The following WASHC5 variants were observed in gnomAD, a reference collection of about 807,000 sequenced individuals.
WASHC5 encodes the protein WASH complex subunit 5, also known as WASH complex subunit strumpellin.
WASHC5 carries 101 observed loss-of-function variants against 150.4 expected under a neutral mutation model. The ratio of observed to expected loss-of-function variants is 0.67; its 90% confidence interval spans 0.57 to 0.79. The LOEUF (loss-of-function observed/expected upper bound fraction) is 0.79, where lower values mean the gene tolerates loss of function less well. WASHC5 is among the 30% of genes least tolerant of loss of function. The pLI, the probability that WASHC5 is intolerant of heterozygous loss-of-function variation, is 0.00. For missense variants in WASHC5, 1,195 were observed against 1,396.3 expected, an observed-to-expected ratio of 0.86 and a Z score of 2.30; for synonymous variants, 467 against 491.2, an observed-to-expected ratio of 0.95 and a Z score of 0.65.
At chr8:125,034,101 A>G (rs1368958596) in intron 26 of WASHC5, among the ~76,000 whole-genome samples, 3 of 152,196 alleles carry the variant, frequency 2.0e-5, no homozygotes, top group African/African-American at 7.2e-5. Flanking sequence ...TTCGCAGAGA[A>G]GGATATAAGG....
chr8:125,028,576 CT>C, intron 28 of WASHC5, 43 bp downstream of exon 28: 2 of 1,406,970 alleles, frequency 1.4e-6, no homozygotes, highest in Admixed American at 1.7e-5. Flanking sequence ...TTATTAGCAT[CT>C]TTTTACAACT....
intron 19 of WASHC5, 148 bp from the exon 20 acceptor site, chr8:125,047,479 C>T (rs1816103059): frequency 2.6e-6 from 2 of 755,662 alleles, no homozygotes; most frequent in East Asian, 6.4e-5. Context: ...GCTCTGTCCC[C>T]CAGGCTGGAG....
In WASHC5 at chr8:125,028,562, A is replaced by G. The variant is rs570927846; in HGVS notation, c.3423+58T>C. The G allele has an allele frequency of 6.3e-6, 8 of 1,269,860 alleles. No homozygotes were observed. In the South Asian group the frequency reaches 7.2e-5, roughly 11 times the overall value. The allele number at this position is 1,269,860 out of a possible 1,614,324, so 78.7% of individuals were successfully genotyped here. A position where few individuals can be genotyped will look rare whatever the true frequency, so the allele number is the denominator to read the frequency against. On this transcript the variant is annotated intron_variant, in intron 28 of 28. Transcript: ENST00000318410. ...CTTCACTCCTGATGAATCCAGGGCC[A>G]CTATTATTAGCATCTTTTTACAACT...
chr8:125,073,314 T>C lies in WASHC5; in HGVS notation c.989A>G (p.Tyr330Cys). ...ATGCACTCTTTCACTGACAGTAGCATATCTGCTTGCCTTGACAAATAAGAA... is the reference window on the plus strand; with the variant it reads ...ATGCACTCTTTCACTGACAGTAGCACATCTGCTTGCCTTGACAAATAAGAA... Reference protein sequence around the residue: ...LSNVREQASRYATVSERVHAQ... With the variant: ...LSNVREQASRCATVSERVHAQ... The change falls in exon 9 of 29, where the codon TAT becomes TGT. Residue 330 changes from tyrosine (Y) to cysteine (C), a missense_variant. By Grantham distance (194) the Tyr-to-Cys change is radical. Transcript: ENST00000318410. 6.2e-7 allele frequency: 1 copy of C among 1,613,694 alleles called. No individual in the cohort carries two copies. Among genetic ancestry groups the C allele is most frequent in the Non-Finnish European group, 8.5e-7 (1 of 1,179,612 alleles).
At chr8:125,040,994 CA>C (rs1815867734) in intron 23 of WASHC5, among the ~76,000 whole-genome samples, 1 of 152,154 alleles carries the variant, frequency 6.6e-6, no homozygotes, top group Non-Finnish European at 1.5e-5. Flanking sequence ...ATTCAAAGAA[CA>C]AATCTGTGAT....
chr8:125,032,502 G>A, intron 26 of WASHC5, 108 bp from the exon 27 acceptor site: 1 of 1,237,852 alleles, frequency 8.1e-7, no homozygotes, highest in Non-Finnish European at 1.2e-6. Context: ...ATTCTCGCTG[G>A]CAGATGATAT....
chr8:125,048,361 T>C (rs1350633285), intron 19 of WASHC5, among the ~76,000 whole-genome samples: 19 of 152,036 alleles, frequency 1.2e-4, no homozygotes, highest in Admixed American at 1.2e-3. Flanking sequence ...TTTGGTATTC[T>C]TTTTTTACCC....
intron 20 of WASHC5, among the ~76,000 whole-genome samples, chr8:125,046,093 G>C (rs945622939): frequency 2.0e-5 from 3 of 152,172 alleles, no homozygotes; most frequent in African/African-American, 7.2e-5. Flanking sequence ...ACAGCACAAA[G>C]GATCCAGGTC....
At position 125,044,876 on chromosome 8, in the gene WASHC5, G is replaced by A. The variant is rs1347827614; in HGVS notation, c.2505-178C>T. The A allele has an allele frequency of 7.2e-6, 5 of 689,754 alleles. No homozygotes were observed. In the African/African-American group the frequency reaches 8.8e-5, roughly 12 times the overall value. The allele number at this position is 689,754 out of a possible 1,614,324, so 42.7% of individuals were successfully genotyped here. ...CTTCCCAGTGACACCCAATGGAACA[G>A]GAAGGTAAAATTCAGTCTGACCCCC... On this transcript the variant is annotated intron_variant, in intron 20 of 28. Coordinates refer to ENST00000318410, the MANE Select transcript of WASHC5 (RefSeq NM_014846.4).
At chr8:125,088,227 T>C (rs571458842) in intron 1 of WASHC5, among the ~76,000 whole-genome samples, 1 of 146,578 alleles carries the variant, frequency 6.8e-6, no homozygotes, top group Admixed American at 6.6e-5. Context: ...ATGGATCACC[T>C]GAGGTTAGGA....
intron 4 of WASHC5, among the ~76,000 whole-genome samples, 165 bp downstream of exon 4, chr8:125,082,218 T>C (rs1817285168): frequency 6.6e-6 from 1 of 152,254 alleles, no homozygotes; most frequent in African/African-American, 2.4e-5. Flanking sequence ...TCAAAGTCTA[T>C]GTTCTAAACT....
chr8:125,032,127 G>A, intron 27 of WASHC5, 114 bp downstream of exon 27: 2 of 1,227,542 alleles, frequency 1.6e-6, no homozygotes, highest in South Asian at 2.4e-5. Flanking sequence ...TACAGAGAAG[G>A]GTGAGCAACC....
chr8:125,087,486 T>C (rs2130238572), intron 1 of WASHC5, among the ~76,000 whole-genome samples: 1 of 152,280 alleles, frequency 6.6e-6, no homozygotes, highest in South Asian at 2.1e-4. Context: ...CCTAGTACTT[T>C]AGAAGGCCAA....
rs750122277 is a variant in WASHC5, at chr8:125,056,725, C to T, written c.1968G>A (p.Leu656=). Residue 656 remains leucine (L), a synonymous_variant, in exon 16 of 29, where the codon CTG becomes CTA. Coordinates refer to ENST00000318410, the MANE Select transcript of WASHC5 (RefSeq NM_014846.4). ...CATAGTCCCTCAGCTTGTCTTTGTC[C>T]AGGCGGGTAGGCACTTCAATAATGT... ...THDIIEVPTR[L]DKDKLRDYAQ... 110 of 1,614,112 alleles carry T rather than the reference C, an allele frequency of 6.8e-5. No individual in the cohort carries two copies. Among genetic ancestry groups the T allele is most frequent in the South Asian group, 5.1e-4 (46 of 91,078 alleles).
In WASHC5 at chr8:125,073,091, G is replaced by C. The variant is rs138100660; in HGVS notation, c.1150+62C>G. The C allele has an allele frequency of 6.5e-3, 9,925 of 1,527,448 alleles. 60 individuals carry two copies. The highest frequency in any genetic ancestry group is 0.019 in the Middle Eastern group (111 of 5,890). The allele number at this position is 1,527,448 out of a possible 1,614,324, so 94.6% of individuals were successfully genotyped here. A position where few individuals can be genotyped will look rare whatever the true frequency, so the allele number is the denominator to read the frequency against. On this transcript the variant is annotated intron_variant, in intron 9 of 28. Transcript: ENST00000318410. ...CTAAACCACTCTGCATCGTGAAGTA[G>C]GTCCTGATTCTGAGAGTCTTTATGT...
In WASHC5 at chr8:125,049,165, C is replaced by T; in HGVS notation, c.2220G>A (p.Lys740=). 6.2e-7 allele frequency: 1 copy of T among 1,614,086 alleles called. No homozygotes were observed. The highest frequency in any genetic ancestry group is 8.5e-7 in the Non-Finnish European group (1 of 1,179,988). Residue 740 remains lysine (K), a synonymous_variant, in exon 19 of 29, where the codon AAG becomes AAA. Transcript: ENST00000318410. The part of the protein sequence containing the change: ...PRAKPSELMP[K]LKELGATMDG... ...CCATGGTCGCTCCCAACTCTTTCAG[C>T]TTGGGCATCAATTCACTTGGCTGTG...
At chr8:125,026,901 A>G (rs1815393246) in intron 28 of WASHC5, among the ~76,000 whole-genome samples, 1 of 152,136 alleles carries the variant, frequency 6.6e-6, no homozygotes, top group South Asian at 2.1e-4. Context: ...TTTGAAGTTA[A>G]AAAAGTACCT....
chr8:125,083,662 A>G, intron 2 of WASHC5, 51 bp downstream of exon 2: 1 of 1,437,230 alleles, frequency 7.0e-7, no homozygotes, highest in East Asian at 2.3e-5. Flanking sequence ...CCCAGAGAAA[A>G]CACGCTTTTG....
intron 4 of WASHC5, 92 bp downstream of exon 4, chr8:125,082,291 G>A: frequency 1.3e-6 from 1 of 756,276 alleles, no homozygotes; most frequent in Admixed American, 1.9e-5. Context: ...TTAAAGAATG[G>A]TATTTCGTAT....
Sources: allele counts gnomAD v4.1 joint callset (sites outside exome capture counted in the v4.1 genomes callset), GRCh38; gene constraint gnomAD v4.1.1; transcripts MANE v1.5; gene names NCBI Gene and HGNC (gene_info 2026-07-23, HGNC 2026-07-21).